The following ZNF385D variants were observed in gnomAD, a reference collection of about 807,000 sequenced individuals.
The protein encoded by ZNF385D is zinc finger protein 659.
In ZNF385D, 15 loss-of-function variants were observed where a neutral mutation model predicts 35.8. The ratio of observed to expected loss-of-function variants is 0.42; its 90% CI spans 0.28 to 0.64. The LOEUF (loss-of-function observed/expected upper bound fraction) is 0.64. Ranked by LOEUF, ZNF385D falls within the 30% of genes least tolerant of loss-of-function variation. The probability of loss-of-function intolerance (pLI) is 0.23; values close to 1 mark genes in which losing one functional copy is unlikely to be tolerated. For synonymous variants in ZNF385D, 212 were observed against 186.8 expected (o/e 1.13, Z -1.10); for missense variants, 474 against 494.6 (o/e 0.96, Z 0.39).
chr3:21,554,559 A>C (rs1458462682), intron 3 of ZNF385D, among the ~76,000 whole-genome samples: 2 of 152,166 alleles, frequency 1.3e-5, no homozygotes, highest in Admixed American at 6.5e-5. Context: ...CTACCAAGAG[A>C]GTAAGCCTGT....
intron 3 of ZNF385D, chr3:21,958,941 C>T (rs1195758260): frequency 1.3e-5 from 2 of 151,990 alleles, no homozygotes; most frequent in South Asian, 2.1e-4. Flanking sequence ...AATATAAACC[C>T]TAATGTTCTT....
chr3:22,253,247 T>C (rs951634619), intron 2 of ZNF385D, among the ~76,000 whole-genome samples: 3 of 151,968 alleles, frequency 2.0e-5, no homozygotes, highest in Non-Finnish European at 2.9e-5. Context: ...TCTAAACGGA[T>C]AGATTTTAAT....
intron 2 of ZNF385D, among the ~76,000 whole-genome samples, chr3:21,599,478 G>A (rs1167025164): frequency 3.9e-5 from 6 of 152,060 alleles, no homozygotes; most frequent in African/African-American, 1.2e-4. Context: ...ATTTCTCCAG[G>A]TGAATAGTAA....
chr3:21,574,671 A>G (rs2063441585), intron 2 of ZNF385D, among the ~76,000 whole-genome samples: 1 of 152,056 alleles, frequency 6.6e-6, no homozygotes, highest in South Asian at 2.1e-4. Context: ...CTTTGAGAGG[A>G]TTTAGGGGGT....
At chr3:22,072,673 T>C in intron 3 of ZNF385D, among the ~76,000 whole-genome samples, 1 of 146,176 alleles carries the variant, frequency 6.8e-6, no homozygotes, top group East Asian at 2.0e-4. Flanking sequence ...AATGGAGAAA[T>C]GGAGAAAAGG....
At chr3:21,658,833 C>A (rs771316322) in intron 2 of ZNF385D, among the ~76,000 whole-genome samples, 3 of 151,954 alleles carry the variant, frequency 2.0e-5, no homozygotes, top group Non-Finnish European at 4.4e-5. Context: ...AATTATAGTT[C>A]TTTATAGAAT....
intron 3 of ZNF385D, among the ~76,000 whole-genome samples, chr3:22,103,491 A>C (rs1337938517): frequency 6.6e-6 from 1 of 152,116 alleles, no homozygotes; most frequent in Admixed American, 6.6e-5. Flanking sequence ...TTGTGTTCTC[A>C]AGCTACCTCT....
intron 3 of ZNF385D, among the ~76,000 whole-genome samples, chr3:21,918,459 T>C (rs983279198): frequency 2.6e-5 from 4 of 151,464 alleles, no homozygotes; most frequent in Non-Finnish European, 5.9e-5. Context: ...AATTCTAAAA[T>C]TGTCTTTCTT....
chr3:21,544,824 A>G (rs547107593), intron 3 of ZNF385D, among the ~76,000 whole-genome samples: 2 of 152,308 alleles, frequency 1.3e-5, no homozygotes, highest in East Asian at 3.9e-4. Flanking sequence ...GACCTCGAAC[A>G]TTTAGCAGCC....
At chr3:21,492,901 G>T (rs1394865568) in intron 4 of ZNF385D, among the ~76,000 whole-genome samples, 1 of 151,844 alleles carries the variant, frequency 6.6e-6, no homozygotes, top group Non-Finnish European at 1.5e-5. Context: ...TTACCTTTTT[G>T]AATAAAGGGA....
intron 3 of ZNF385D, among the ~76,000 whole-genome samples, chr3:21,557,274 C>G (rs1372383680): frequency 6.6e-6 from 1 of 152,102 alleles, no homozygotes; most frequent in Non-Finnish European, 1.5e-5. Flanking sequence ...CAGTTTTTGC[C>G]CATTCAGTGT....
chr3:21,640,759 C>CT (rs2065580985), intron 2 of ZNF385D, among the ~76,000 whole-genome samples: 1 of 152,106 alleles, frequency 6.6e-6, no homozygotes. Context: ...CCAGAGCTGA[C>CT]TAAGACTATT....
intron 2 of ZNF385D, among the ~76,000 whole-genome samples, chr3:21,650,093 T>G (rs2065867202): frequency 6.6e-6 from 1 of 151,750 alleles, no homozygotes; most frequent in African/African-American, 2.4e-5. Flanking sequence ...GATCCAAAGA[T>G]GTGAAAGGAA....
intron 2 of ZNF385D, among the ~76,000 whole-genome samples, chr3:22,193,069 G>T (rs749797980): frequency 6.6e-6 from 1 of 152,106 alleles, no homozygotes; most frequent in Non-Finnish European, 1.5e-5. Context: ...AAGAGTAACC[G>T]TTTATAACAC....
chr3:21,927,258 G>A (rs536745621), intron 3 of ZNF385D, among the ~76,000 whole-genome samples: 13 of 150,812 alleles, frequency 8.6e-5, no homozygotes, highest in Non-Finnish European at 1.6e-4. Context: ...GCAGAACCAT[G>A]AGCCAAATAA....
In ZNF385D at chr3:22,371,893, C is replaced by T. The variant is rs1299103960; in HGVS notation, c.106+557G>A. On this transcript the variant is annotated intron_variant, in intron 2 of 5. Transcript: ENST00000494108. ...AGCTTCTCATCCTGCCCTCAAAACG[C>T]GTGTATCTCAGGTTTTTTTAAGTAT... 2.6e-5 allele frequency among the ~76,000 whole-genome samples: 4 copies of T among 151,906 alleles called. No individual in the cohort carries two copies. The East Asian group carries it at 7.8e-4, about 30-fold the overall frequency.
chr3:21,856,879 C>G (rs1448977263), intron 3 of ZNF385D, among the ~76,000 whole-genome samples: 1 of 152,040 alleles, frequency 6.6e-6, no homozygotes, highest in Non-Finnish European at 1.5e-5. Context: ...TTCCAAATCA[C>G]TGTCTTAGAA....
chr3:22,204,638 T>C (rs1697024717), intron 2 of ZNF385D, among the ~76,000 whole-genome samples: 1 of 152,006 alleles, frequency 6.6e-6, no homozygotes, highest in Non-Finnish European at 1.5e-5. Context: ...AATTTAGAAT[T>C]CTACCAGATA....
At chr3:22,031,538 G>A (rs980826799) in intron 3 of ZNF385D, among the ~76,000 whole-genome samples, 7 of 152,268 alleles carry the variant, frequency 4.6e-5, no homozygotes, top group South Asian at 2.1e-4. Flanking sequence ...GAGTTGGAGC[G>A]GCTGAGATGC....
Sources: allele counts gnomAD v4.1 joint callset (sites outside exome capture counted in the v4.1 genomes callset), GRCh38; gene constraint gnomAD v4.1.1; transcripts MANE v1.5; gene names NCBI Gene and HGNC (gene_info 2026-07-23, HGNC 2026-07-21).